The following FBLN7 variants were observed in gnomAD, a reference collection of about 807,000 sequenced individuals.
FBLN7 encodes the protein fibulin 7.
Under a neutral mutation model 44.0 loss-of-function variants are expected in FBLN7, and 31 were observed. That is an observed-to-expected ratio of 0.70 (90% CI 0.53 to 0.95). The LOEUF is 0.95. FBLN7 is among the 40% of genes least tolerant of loss of function. The pLI, the probability that FBLN7 is intolerant of heterozygous loss-of-function variation, is 0.00. For missense variants in FBLN7, 573 were observed against 618.5 expected (o/e 0.93, Z 0.78); for synonymous variants, 262 against 253.4 (o/e 1.03, Z -0.32).
At chr2:112,140,513 C>T (rs781464965) in intron 1 of FBLN7, among the ~76,000 whole-genome samples, 3 of 152,118 alleles carry the variant, frequency 2.0e-5, no homozygotes, top group Non-Finnish European at 4.4e-5. Context: ...TCAGATGCAT[C>T]GCTGGCCGGG....
At chr2:112,192,044 T>G (rs979246193), downstream of FBLN7, among the ~76,000 whole-genome samples, 2 of 152,204 alleles carry the variant, frequency 1.3e-5, no homozygotes, top group East Asian at 3.8e-4. Flanking sequence ...GACCCTTCTA[T>G]TTTGCTTAAA....
chr2:112,164,541 G>A (rs771645021), intron 2 of FBLN7, among the ~76,000 whole-genome samples: 5 of 152,194 alleles, frequency 3.3e-5, no homozygotes, highest in Non-Finnish European at 7.3e-5. Flanking sequence ...AACCTGGAGA[G>A]TGAGAAGGAG....
rs1558880036 is a variant in FBLN7, at chr2:112,160,748, GCACGCACACACGCACGCA to G, written c.235+920_235+937del. Among the ~76,000 whole-genome samples the G allele has an allele frequency of 3.9e-3, 264 of 67,408 alleles. 1 individual carries two copies. The highest frequency in any genetic ancestry group is 0.019 in the African/African-American group (255 of 13,106). 44.2% of individuals were successfully genotyped at this position (67,408 alleles called of 152,430 possible). ...CACACGCACGCACACGCACACACGC[GCACGCACACACGCACGCA>G]CACGCAGACGCACACGCACGCACAC... On this transcript the variant is annotated intron_variant, in intron 2 of 7. Transcript: ENST00000331203.
At chr2:112,202,568 G>T in the FBLN7 span, among the ~76,000 whole-genome samples, 1 of 151,980 alleles carries the variant, frequency 6.6e-6, no homozygotes, top group Non-Finnish European at 1.5e-5. Context: ...CTCTATGAAA[G>T]ACATAAAAAC....
intron 4 of FBLN7, 99 bp downstream of exon 4, chr2:112,175,938 C>A: frequency 7.0e-7 from 1 of 1,427,824 alleles, no homozygotes; most frequent in Non-Finnish European, 9.5e-7. Context: ...GGAGCTCAGT[C>A]CCCCACTCAA....
chr2:112,176,049 A>C, intron 4 of FBLN7: 1 of 449,976 alleles, frequency 2.2e-6, no homozygotes, highest in Non-Finnish European at 3.7e-6. Context: ...CAGAGTTTTG[A>C]CCCTTCTTAT....
chr2:112,217,755 T>A, the FBLN7 span, among the ~76,000 whole-genome samples: 185 of 152,340 alleles, frequency 1.2e-3, no homozygotes, highest in African/African-American at 4.2e-3. Flanking sequence ...AAAGCTTGAA[T>A]TTTATCATTG....
intron 3 of FBLN7, 68 bp downstream of exon 3, chr2:112,165,239 A>G: frequency 6.5e-7 from 1 of 1,536,980 alleles, no homozygotes; most frequent in Middle Eastern, 1.9e-4. Flanking sequence ...TCTTGCATAG[A>G]AAGGGTCATT....
chr2:112,154,266 T>C (rs1251104550), intron 1 of FBLN7, among the ~76,000 whole-genome samples: 4 of 152,214 alleles, frequency 2.6e-5, no homozygotes, highest in African/African-American at 4.8e-5. Flanking sequence ...GTCAATGACA[T>C]AAGTTGGGCC....
At chr2:112,207,837 T>C in the FBLN7 span, among the ~76,000 whole-genome samples, 1 of 152,266 alleles carries the variant, frequency 6.6e-6, no homozygotes, top group Non-Finnish European at 1.5e-5. Flanking sequence ...ATCTTTCTTT[T>C]GTTTAATGTT....
At chr2:112,210,870 AT>A in the FBLN7 span, among the ~76,000 whole-genome samples, 1 of 152,178 alleles carries the variant, frequency 6.6e-6, no homozygotes, top group East Asian at 1.9e-4. Flanking sequence ...AGCAACCAGT[AT>A]TGGTTTGTAA....
At chr2:112,226,296 T>TA in the FBLN7 span, among the ~76,000 whole-genome samples, 1 of 150,124 alleles carries the variant, frequency 6.7e-6, no homozygotes, top group African/African-American at 2.4e-5. Flanking sequence ...AAAATCTAAT[T>TA]AAAAAAAAGC....
the FBLN7 span, among the ~76,000 whole-genome samples, chr2:112,227,393 C>T: frequency 6.6e-6 from 1 of 152,164 alleles, no homozygotes; most frequent in Non-Finnish European, 1.5e-5. Context: ...GGCGTGGTGG[C>T]AGATGCCTGC....
chr2:112,138,502 G>T lies in FBLN7; in HGVS notation c.-154G>T. On this transcript the variant is annotated 5_prime_UTR_variant, in exon 1 of 8. Coordinates refer to ENST00000331203, the MANE Select transcript of FBLN7 (RefSeq NM_153214.3). ...CGCCGATCCCCGCGGGACGCGCTGCGCTCGGGGCCTCCCGCCTCCCCCCCT... is the reference window on the plus strand; with the variant it reads ...CGCCGATCCCCGCGGGACGCGCTGCTCTCGGGGCCTCCCGCCTCCCCCCCT... 2.0e-6 allele frequency: 2 copies of T among 997,318 alleles called. No individual in the cohort carries two copies. Among genetic ancestry groups the T allele is most frequent in the Non-Finnish European group, 2.7e-6 (2 of 739,786 alleles). 61.8% of individuals were successfully genotyped at this position (997,318 alleles called of 1,614,324 possible).
chr2:112,171,238 A>G (rs10200201), intron 3 of FBLN7, among the ~76,000 whole-genome samples: 78,241 of 151,918 alleles, frequency 0.52, 20,408 homozygotes, highest in Middle Eastern at 0.71. Context: ...TGAAATCCAT[A>G]GGCAGTGGAA....
the FBLN7 span, chr2:112,212,965 C>CTGTTTTTTTTTTTTTTTTTTTTTT: frequency 1.2e-5 from 1 of 84,918 alleles, no homozygotes; most frequent in Non-Finnish European, 2.3e-5. Context: ...AGAAGAAATG[C>CTGTTTTTTTTTTTTTTTTTTTTTT]TTTTTTTTTT....
the FBLN7 span, among the ~76,000 whole-genome samples, chr2:112,243,072 C>T: frequency 6.6e-6 from 1 of 152,180 alleles, no homozygotes; most frequent in African/African-American, 2.4e-5. Flanking sequence ...TAAATACTTT[C>T]CAGTGGTTTT....
chr2:112,148,455 T>C (rs904763223), intron 1 of FBLN7, among the ~76,000 whole-genome samples: 15 of 152,144 alleles, frequency 9.9e-5, no homozygotes, highest in Admixed American at 5.9e-4. Context: ...ATAAAACAGA[T>C]ATTTGGTGCC....
chr2:112,200,586 G>A, the FBLN7 span, among the ~76,000 whole-genome samples: 1 of 152,188 alleles, frequency 6.6e-6, no homozygotes. Context: ...CCAGTCTGGA[G>A]TGCAGTCGCA....
Sources: allele counts gnomAD v4.1 joint callset (sites outside exome capture counted in the v4.1 genomes callset), GRCh38; gene constraint gnomAD v4.1.1; transcripts MANE v1.5; gene names NCBI Gene and HGNC (gene_info 2026-07-23, HGNC 2026-07-21).